The following TGM6 variants were observed in gnomAD, a reference collection of about 807,000 sequenced individuals.
TGM6 encodes transglutaminase 6.
In TGM6, 74 loss-of-function variants were observed where a neutral mutation model predicts 77.5. That is an observed-to-expected ratio of 0.96 (90% CI 0.79 to 1.16). The LOEUF (loss-of-function observed/expected upper bound fraction) is 1.16, where lower values mean the gene tolerates loss of function less well. TGM6 is among the 50% of genes most tolerant of loss of function. The probability of loss-of-function intolerance (pLI) is 0.00; values close to 1 mark genes in which losing one functional copy is unlikely to be tolerated. For missense variants in TGM6, 968 were observed against 940.2 expected, an observed-to-expected ratio of 1.03 and a Z score of -0.39; for synonymous variants, 383 against 378.9, an observed-to-expected ratio of 1.01 and a Z score of -0.12.
intron 10 of TGM6, among the ~76,000 whole-genome samples, chr20:2,425,199 C>G (rs945752431): frequency 1.3e-5 from 2 of 151,906 alleles, no homozygotes; most frequent in East Asian, 1.9e-4. Context: ...ATAAAAAATA[C>G]CTGCTGGGTG....
chr20:2,404,227 A>G (rs2084734499), intron 9 of TGM6, among the ~76,000 whole-genome samples: 1 of 152,190 alleles, frequency 6.6e-6, no homozygotes, highest in Non-Finnish European at 1.5e-5. Flanking sequence ...TAATAATAGC[A>G]TCTCCTGTTT....
intron 10 of TGM6, among the ~76,000 whole-genome samples, chr20:2,417,996 G>C (rs1360950420): frequency 6.6e-6 from 1 of 152,028 alleles, no homozygotes; most frequent in Admixed American, 6.6e-5. Flanking sequence ...ACTGGTAACA[G>C]ATGGTTTTCT....
intron 1 of TGM6, among the ~76,000 whole-genome samples, chr20:2,388,598 C>A (rs2084611004): frequency 6.9e-6 from 1 of 144,206 alleles, no homozygotes. Context: ...ATAGCAAGAC[C>A]CTATCTCAAA....
chr20:2,408,060 T>C (rs2084763468), intron 9 of TGM6, among the ~76,000 whole-genome samples: 1 of 152,118 alleles, frequency 6.6e-6, no homozygotes, highest in Admixed American at 6.5e-5. Flanking sequence ...GAGTAAGATT[T>C]AGCCAGGAGA....
In TGM6 at chr20:2,397,935, GA is replaced by G; in HGVS notation, c.563del (p.Asn188ThrfsTer38). Reference protein sequence around the residue: ...NYGQFEEDILNICLSILDRSP... With the variant: ...NYGQFEEDILXICLSILDRSP... ...GGGAGCAGTTTGAGGAGGACATCCT[GA>G]ACATCTGCCTCTCCATCCTGGATCG... On this transcript the variant is annotated frameshift_variant, in exon 5 of 13. Transcript: ENST00000202625. LOFTEE classifies it high-confidence loss of function. 1.2e-6 allele frequency: 2 copies of G among 1,614,090 alleles called. No homozygotes were observed. The highest frequency in any genetic ancestry group is 2.2e-5 in the South Asian group (2 of 91,072).
rs2084667638 is a variant in TGM6 at position 2,396,421 on chromosome 20, T to C, written c.425-85T>C. 2.9e-6 allele frequency: 4 copies of C among 1,398,462 alleles called. No homozygotes were observed. In the Admixed American group the frequency reaches 6.7e-5, roughly 23 times the overall value. 86.6% of individuals were successfully genotyped at this position (1,398,462 alleles called of 1,614,324 possible). A position where few individuals can be genotyped will look rare whatever the true frequency, so the allele number is the denominator to read the frequency against. ...CCCAGTCAGCCTCCGGGCGCTGCCC[T>C]GCTGCTGATCCCTGATGCAGCCCCT... On this transcript the variant is annotated intron_variant, in intron 3 of 12. Coordinates refer to ENST00000202625, the MANE Select transcript of TGM6 (RefSeq NM_198994.3).
rs1490812277 is a variant in TGM6 at position 2,381,806 on chromosome 20, T to C, written c.7+831T>C. Among the ~76,000 whole-genome samples the C allele has an allele frequency of 2.6e-5, 4 of 152,130 alleles. No individual in the cohort carries two copies. In the East Asian group the frequency reaches 7.7e-4, roughly 29 times the overall value. ...GGTGGGGAACACCCAAAGTCCCAGC[T>C]ACTTGGGAGGCTGAGGTGAGAGGAT... On this transcript the variant is annotated intron_variant, in intron 1 of 12. Coordinates refer to ENST00000202625, the MANE Select transcript of TGM6 (RefSeq NM_198994.3).
chr20:2,418,957 G>T (rs1264816689), intron 10 of TGM6, among the ~76,000 whole-genome samples: 1 of 152,104 alleles, frequency 6.6e-6, no homozygotes, highest in South Asian at 2.1e-4. Flanking sequence ...CACGCCTGTA[G>T]TCCCAGCTAC....
chr20:2,402,447 G>A lies in TGM6; in HGVS notation c.990-950G>A, dbSNP rs2084717575. Among the ~76,000 whole-genome samples, 3 of 151,986 alleles carry A rather than the reference G, an allele frequency of 2.0e-5. No homozygotes were observed. The South Asian group carries it at 6.2e-4, about 31-fold the overall frequency. Reference sequence around the variant, plus strand: ...TGGTTCTCTTCATTCCCTTGCCCTGGAAGCACAAAATACTCGCATTCTTCT... The same window carrying A: ...TGGTTCTCTTCATTCCCTTGCCCTGAAAGCACAAAATACTCGCATTCTTCT... On this transcript the variant is annotated intron_variant, in intron 7 of 12. Transcript: ENST00000202625.
At chr20:2,387,131 C>CT (rs2084601684) in intron 1 of TGM6, among the ~76,000 whole-genome samples, 1 of 152,226 alleles carries the variant, frequency 6.6e-6, no homozygotes, top group African/African-American at 2.4e-5. Flanking sequence ...ACCTGAGCTC[C>CT]TAATGGCTCT....
intron 9 of TGM6, among the ~76,000 whole-genome samples, chr20:2,405,096 T>C (rs1354391009): frequency 5.9e-5 from 9 of 152,222 alleles, no homozygotes; most frequent in Admixed American, 5.9e-4. Context: ...ATCTCACATA[T>C]GTCTGTCACG....
At chr20:2,382,530 G>T (rs890380581) in intron 1 of TGM6, among the ~76,000 whole-genome samples, 1 of 152,200 alleles carries the variant, frequency 6.6e-6, no homozygotes, top group African/African-American at 2.4e-5. Flanking sequence ...TAACTTGCTG[G>T]GTTCCTCTCT....
Position 2,399,703 on chromosome 20 carries a change from G to T in TGM6, c.815G>T (p.Gly272Val), listed in dbSNP as rs770224660. 1.2e-6 allele frequency: 2 copies of T among 1,614,082 alleles called. No homozygotes were observed. Among genetic ancestry groups the T allele is most frequent in the South Asian group, 1.1e-5 (1 of 91,082 alleles). The change falls in exon 6 of 13, where the codon GGC (glycine) becomes GTC (valine). Residue 272 changes from glycine (G) to valine (V), a missense_variant. Gly to Val is a moderately radical substitution (Grantham distance 109, BLOSUM62 -3). Transcript: ENST00000202625. ...GGCAGGTACAAGCCAGTCAAGTACG[G>T]CCAGTGCTGGGTCTTCGCCGGAGTC... is the stretch of plus-strand genomic sequence containing the variant. ...LKGRYKPVKY[G>V]QCWVFAGVLC...
At chr20:2,389,621 C>G (rs2084617668) in intron 1 of TGM6, among the ~76,000 whole-genome samples, 1 of 152,142 alleles carries the variant, frequency 6.6e-6, no homozygotes, top group Admixed American at 6.5e-5. Context: ...TTACCTACCT[C>G]TATACTCCAC....
At position 2,399,757 on chromosome 20, in the gene TGM6, G is replaced by T; in HGVS notation, c.850+19G>T. 1 of 1,607,248 alleles carries T rather than the reference G, an allele frequency of 6.2e-7. No homozygotes were observed. The highest frequency in any genetic ancestry group is 8.5e-7 in the Non-Finnish European group (1 of 1,175,918). ...TGCACAGGTACCCTGGGAGAGAAGGGCCCCAGGGTACCTGTGCCCCCAGCT... is the reference window on the plus strand; with the variant it reads ...TGCACAGGTACCCTGGGAGAGAAGGTCCCCAGGGTACCTGTGCCCCCAGCT... On this transcript the variant is annotated intron_variant, in intron 6 of 12. Coordinates refer to ENST00000202625, the MANE Select transcript of TGM6 (RefSeq NM_198994.3).
Position 2,432,624 on chromosome 20 carries a change from A to G in TGM6, c.2102A>G (p.His701Arg), listed in dbSNP as rs2084931375. 1.2e-6 allele frequency: 2 copies of G among 1,614,148 alleles called. No homozygotes were observed. The highest frequency in any genetic ancestry group is 2.2e-5 in the East Asian group (1 of 44,866). ...GACATCAAGGGCTTTGTGATCGTCC[A>G]TGTGGCCACTGCCAAGTGATGGATC... ...FPDIKGFVIV[H>R]VATAK Residue 701 changes from histidine (H) to arginine (R), a missense_variant, in exon 13 of 13, where the codon CAT (histidine) becomes CGT (arginine). His to Arg is a conservative substitution (Grantham distance 29, BLOSUM62 0). Transcript: ENST00000202625.
At chr20:2,400,801 G>A (rs2084703960) in intron 7 of TGM6, among the ~76,000 whole-genome samples, 1 of 152,082 alleles carries the variant, frequency 6.6e-6, no homozygotes, top group Non-Finnish European at 1.5e-5. Flanking sequence ...ATCAGCTGCG[G>A]TTCTCCGTGT....
intron 1 of TGM6, among the ~76,000 whole-genome samples, chr20:2,386,200 A>T (rs1200943122): frequency 2.6e-5 from 4 of 152,102 alleles, no homozygotes; most frequent in Admixed American, 2.0e-4. Flanking sequence ...ATCTGAAATC[A>T]CCGGTAGTTC....
chr20:2,401,378 T>C (rs2084708107), intron 7 of TGM6, among the ~76,000 whole-genome samples: 1 of 152,086 alleles, frequency 6.6e-6, no homozygotes, highest in South Asian at 2.1e-4. Context: ...GTCTGCTACA[T>C]CTCCTGTCAG....
Sources: allele counts gnomAD v4.1 joint callset (sites outside exome capture counted in the v4.1 genomes callset), GRCh38; gene constraint gnomAD v4.1.1; transcripts MANE v1.5; gene names NCBI Gene and HGNC (gene_info 2026-07-23, HGNC 2026-07-21).